ZNF653: variants seen among roughly 807,000 people sequenced by gnomAD.
ZNF653 encodes 67 kDa zinc finger protein.
ZNF653 carries 37 observed loss-of-function variants against 59.9 expected under a neutral mutation model. That is an observed-to-expected ratio of 0.62 (90% CI 0.48 to 0.81). The LOEUF is 0.81. Among genes scored for constraint, ZNF653 ranks in the 40% least tolerant of loss-of-function variants. ZNF653 has a pLI of 0.00. For missense variants in ZNF653, 808 were observed against 881.1 expected (o/e 0.92, Z 1.05); for synonymous variants, 435 against 371.8 (o/e 1.17, Z -1.96).
rs528960198 is a variant in ZNF653 at position 11,505,752 on chromosome 19, G to A, written c.35C>T (p.Ala12Val). Residue 12 changes from alanine to valine, a missense_variant, in exon 1 of 9, where the codon GCG becomes GTG. Ala to Val is a moderately conservative substitution (Grantham distance 64). Coordinates refer to ENST00000293771, the MANE Select transcript of ZNF653 (RefSeq NM_138783.4). ...CCCGCCCGCGCCCGCCTCAGCCTCC[G>A]CCTCCGCCTCGGGCTCTAGCGCCCG... ...AERALEPEAE[A>V]EAEAGAGGEA... 86 of 1,384,382 alleles carry A rather than the reference G, an allele frequency of 6.2e-5. 1 individual carries two copies. The South Asian group carries it at 9.4e-4, about 15-fold the overall frequency. The allele number at this position is 1,384,382 out of a possible 1,614,324, so 85.8% of individuals were successfully genotyped here. A position where few individuals can be genotyped will look rare whatever the true frequency, so the allele number is the denominator to read the frequency against.
intron 2 of ZNF653, 58 bp from the exon 3 acceptor site, chr19:11,496,223 T>C (rs916482837): frequency 4.5e-6 from 7 of 1,550,510 alleles, no homozygotes; most frequent in African/African-American, 4.1e-5. Context: ...CATGGTGACA[T>C]GGCTGCCTGA....
Position 11,483,733 on chromosome 19 carries a change from G to A in ZNF653, c.1797C>T (p.Asp599=), listed in dbSNP as rs151165116. 2.4e-5 allele frequency: 39 copies of A among 1,613,634 alleles called. No individual in the cohort carries two copies. Among genetic ancestry groups the A allele is most frequent in the Non-Finnish European group, 3.1e-5 (37 of 1,179,700 alleles). The change falls in exon 9 of 9, where the codon GAC becomes GAT. Residue 599 remains aspartate, a synonymous_variant. Coordinates refer to ENST00000293771, the MANE Select transcript of ZNF653 (RefSeq NM_138783.4). ...TTTTGAGCGTGTGGAACTTGACGCT[G>A]TCCAGCTTCTCGAAGCGCTTCCCGC... ...DRCGKRFEKL[D]SVKFHTLKSH...
At chr19:11,494,337 C>A (rs978664638) in intron 3 of ZNF653, among the ~76,000 whole-genome samples, 1 of 127,432 alleles carries the variant, frequency 7.8e-6, no homozygotes, top group Admixed American at 7.7e-5. Flanking sequence ...GATAACATAA[C>A]ATAACATAAC....
chr19:11,505,487 C>A lies in ZNF653; in HGVS notation c.299+1G>T, dbSNP rs1225421698. 1 of 1,483,306 alleles carries A rather than the reference C, an allele frequency of 6.7e-7. No individual in the cohort carries two copies. Among genetic ancestry groups the A allele is most frequent in the South Asian group, 1.3e-5 (1 of 77,324 alleles). 91.9% of individuals were successfully genotyped at this position (1,483,306 alleles called of 1,614,324 possible). ...CCTCCCTCGGGGCCAGGCCCCCTCA[C>A]CCGTGGCGGCCGCTCCGCTGGCCGC... On this transcript the variant is annotated splice_donor_variant, in intron 1 of 8. Transcript: ENST00000293771. LOFTEE classifies it high-confidence loss of function.
intron 6 of ZNF653, 141 bp from the exon 7 acceptor site, chr19:11,485,911 A>G (rs1376231147): frequency 1.5e-6 from 1 of 661,920 alleles, no homozygotes; most frequent in Non-Finnish European, 2.7e-6. Flanking sequence ...TGCCCAGCTC[A>G]GAGATTCCCA....
intron 3 of ZNF653, among the ~76,000 whole-genome samples, chr19:11,492,311 G>C (rs113393966): frequency 0.017 from 2,517 of 152,178 alleles, 59 homozygotes; most frequent in African/African-American, 0.058. Flanking sequence ...CCAAAGTGCT[G>C]GGATTACAGG....
At position 11,495,034 on chromosome 19, in the gene ZNF653, G is replaced by C. The variant is rs1971571091; in HGVS notation, c.559+916C>G. On this transcript the variant is annotated intron_variant, in intron 3 of 8. Coordinates refer to ENST00000293771, the MANE Select transcript of ZNF653 (RefSeq NM_138783.4). This position sits in a 1 kb window ranked among gnomAD's most constrained non-coding sequence, Gnocchi z 4.9. The stretch of plus-strand genomic sequence containing the variant: ...GGTCGTTGGCGGGGGCGCCCACCCG[G>C]AACACCTCTCGCCCCCGGCTTCCCC... Among the ~76,000 whole-genome samples the C allele has an allele frequency of 1.3e-5, 2 of 152,198 alleles. No homozygotes were observed. Among genetic ancestry groups the C allele is most frequent in the African/African-American group, 4.8e-5 (2 of 41,462 alleles).
chr19:11,505,804 C>T lies in ZNF653; in HGVS notation c.-18G>A, dbSNP rs1254657900. The T allele has an allele frequency of 4.4e-6, 6 of 1,364,050 alleles. No homozygotes were observed. The highest frequency in any genetic ancestry group is 2.7e-4 in the Middle Eastern group (1 of 3,740). 84.5% of individuals were successfully genotyped at this position (1,364,050 alleles called of 1,614,324 possible). On this transcript the variant is annotated 5_prime_UTR_variant, in exon 1 of 9. Coordinates refer to ENST00000293771, the MANE Select transcript of ZNF653 (RefSeq NM_138783.4). Reference sequence around the variant, plus strand: ...TCCGCCATCCCCCCCACCCTGGTTACCAGCCTCCCCCGTTGTTAGGAGCCA... The same window carrying T: ...TCCGCCATCCCCCCCACCCTGGTTATCAGCCTCCCCCGTTGTTAGGAGCCA...
At position 11,498,339 on chromosome 19, in the gene ZNF653, C is replaced by T. The variant is rs543779233; in HGVS notation, c.300G>A (p.Gly100=). 3 of 1,614,090 alleles carry T rather than the reference C, an allele frequency of 1.9e-6. No homozygotes were observed. Among genetic ancestry groups the T allele is most frequent in the Non-Finnish European group, 2.5e-6 (3 of 1,179,956 alleles). ...TTTTGGGGACCTGCTCCCAAGGCTT[C>T]CTGCAACAGAAAGAGGCAGAGAGGG... ...LERGQRSGRH[G]KPWEQVPKKP... is the part of the protein sequence containing the mutation. The change falls in exon 2 of 9, where the codon GGG becomes GGA. Residue 100 remains glycine (G), a splice_region_variant and synonymous_variant. Coordinates refer to ENST00000293771, the MANE Select transcript of ZNF653 (RefSeq NM_138783.4).
In ZNF653 at chr19:11,487,773, C is replaced by A. The variant is rs150907206; in HGVS notation, c.690G>T (p.Pro230=). 22 of 1,612,530 alleles carry A rather than the reference C, an allele frequency of 1.4e-5. No homozygotes were observed. Among genetic ancestry groups the A allele is most frequent in the Non-Finnish European group, 1.8e-5 (21 of 1,179,744 alleles). ...GAGTGATGAGCCCGCTGCTGCCCAC[C>A]GGGCTGGTGGGCGTCGCTGCCGCTG... ...AAAAAATPTS[P]VGSSGLITQE... is the part of the protein sequence containing the mutation. Residue 230 remains proline (P), a synonymous_variant, in exon 4 of 9, where the codon CCG becomes CCT. Transcript: ENST00000293771. The surrounding 1 kb of genome is among the most constrained non-coding windows in gnomAD (Gnocchi z 5.1).
At position 11,495,883 on chromosome 19, in the gene ZNF653, G is replaced by A; in HGVS notation, c.559+67C>T. ...GGCTGCTATTCTGTTTGTGATGCTAGCCTAGGGCTCGTAAGAAGCCCCCAG... is the reference window on the plus strand; with the variant it reads ...GGCTGCTATTCTGTTTGTGATGCTAACCTAGGGCTCGTAAGAAGCCCCCAG... On this transcript the variant is annotated intron_variant, in intron 3 of 8. Transcript: ENST00000293771. The surrounding 1 kb of genome is among the most constrained non-coding windows in gnomAD (Gnocchi z 4.9). 6.7e-7 allele frequency: 1 copy of A among 1,490,282 alleles called. No homozygotes were observed. Among genetic ancestry groups the A allele is most frequent in the Non-Finnish European group, 9.1e-7 (1 of 1,094,446 alleles). The allele number at this position is 1,490,282 out of a possible 1,614,324, so 92.3% of individuals were successfully genotyped here.
rs1555736355 is a variant in ZNF653, at chr19:11,487,998, AT to A, written c.560-96del. ...TTTTATTTTATTTATTTATTTATTT[AT>A]TTTTTTGAGACAGAGTCTCACTCTG... On this transcript the variant is annotated intron_variant, in intron 3 of 8. Coordinates refer to ENST00000293771, the MANE Select transcript of ZNF653 (RefSeq NM_138783.4). This position sits in a 1 kb window ranked among gnomAD's most constrained non-coding sequence, Gnocchi z 5.1. 5 of 1,125,646 alleles carry A rather than the reference AT, an allele frequency of 4.4e-6. No individual in the cohort carries two copies. Among genetic ancestry groups the A allele is most frequent in the Non-Finnish European group, 3.3e-6 (3 of 896,872 alleles). The allele number at this position is 1,125,646 out of a possible 1,614,324, so 69.7% of individuals were successfully genotyped here. A position where few individuals can be genotyped will look rare whatever the true frequency, so the allele number is the denominator to read the frequency against.
intron 2 of ZNF653, among the ~76,000 whole-genome samples, chr19:11,498,077 G>A (rs1047326808): frequency 3.3e-5 from 5 of 152,192 alleles, no homozygotes; most frequent in African/African-American, 4.8e-5. Context: ...CCCTCTGCTC[G>A]GCTCTCCCCT....
chr19:11,483,595 C>G lies in ZNF653; in HGVS notation c.*87G>C, dbSNP rs1971430313. Reference sequence around the variant, plus strand: ...GCCTCCTTCCGGCCCGCGGTCCGGGCGGCCCTCGCAGCTGTCCAGGCCCCG... The same window carrying G: ...GCCTCCTTCCGGCCCGCGGTCCGGGGGGCCCTCGCAGCTGTCCAGGCCCCG... On this transcript the variant is annotated 3_prime_UTR_variant, in exon 9 of 9. Coordinates refer to ENST00000293771, the MANE Select transcript of ZNF653 (RefSeq NM_138783.4). 1 of 1,501,362 alleles carries G rather than the reference C, an allele frequency of 6.7e-7. No individual in the cohort carries two copies. The highest frequency in any genetic ancestry group is 1.4e-5 in the African/African-American group (1 of 71,926). 93.0% of individuals were successfully genotyped at this position (1,501,362 alleles called of 1,614,324 possible).
At chr19:11,492,320 G>C (rs1011552674) in intron 3 of ZNF653, among the ~76,000 whole-genome samples, 1 of 152,080 alleles carries the variant, frequency 6.6e-6, no homozygotes, top group African/African-American at 2.4e-5. Flanking sequence ...TGGGATTACA[G>C]GCGTGAGCCA....
At chr19:11,499,102 A>G (rs748162215) in intron 1 of ZNF653, among the ~76,000 whole-genome samples, 22 of 152,262 alleles carry the variant, frequency 1.4e-4, no homozygotes, top group East Asian at 3.9e-4. Flanking sequence ...TCTCTCCCCA[A>G]TTGCCATCAG....
chr19:11,491,567 A>G (rs971424114), intron 3 of ZNF653, among the ~76,000 whole-genome samples: 1 of 149,714 alleles, frequency 6.7e-6, no homozygotes, highest in Non-Finnish European at 1.5e-5. Flanking sequence ...AGGCCTTTGC[A>G]CCTGCCATTC....
intron 3 of ZNF653, among the ~76,000 whole-genome samples, chr19:11,488,951 G>A (rs1048833504): frequency 6.6e-6 from 1 of 151,658 alleles, no homozygotes; most frequent in African/African-American, 2.4e-5. Flanking sequence ...CCAGGCTGGA[G>A]TGCAATGGTG....
At chr19:11,494,329 TAAC>T (rs945953406) in intron 3 of ZNF653, among the ~76,000 whole-genome samples, 1 of 67,038 alleles carries the variant, frequency 1.5e-5, no homozygotes, top group African/African-American at 8.0e-5. Flanking sequence ...CTCAAAAAGA[TAAC>T]ATAACATAAC....
Sources: allele counts gnomAD v4.1 joint callset (sites outside exome capture counted in the v4.1 genomes callset), GRCh38; gene constraint gnomAD v4.1.1; non-coding constraint Gnocchi (gnomAD v3.1); transcripts MANE v1.5; gene names NCBI Gene and HGNC (gene_info 2026-07-23, HGNC 2026-07-21).